Variants in ZNF709 observed in about 807,000 individuals in gnomAD.
The protein encoded by ZNF709 is zinc finger protein 709.
ZNF709 carries 15 observed loss-of-function variants against 10.6 expected under a neutral mutation model. The observed-to-expected ratio is 1.41, with a 90% CI of 0.95 to 2.18. The LOEUF is 2.18. Ranked by LOEUF, ZNF709 falls within the 30% of genes most tolerant of loss-of-function variation. The pLI, the probability that ZNF709 is intolerant of heterozygous loss-of-function variation, is 0.00. For synonymous variants in ZNF709, 194 were observed against 238.8 expected, an observed-to-expected ratio of 0.81 and a Z score of 1.73; for missense variants, 589 against 774.0, an observed-to-expected ratio of 0.76 and a Z score of 2.84.
chr19:12,472,992 C>G (rs554667339), intron 1 of ZNF709, among the ~76,000 whole-genome samples: 65 of 152,316 alleles, frequency 4.3e-4, no homozygotes, highest in Middle Eastern at 6.8e-3. Flanking sequence ...AGTCAATTAG[C>G]TACTCCCAAG....
intron 1 of ZNF709, among the ~76,000 whole-genome samples, chr19:12,471,374 A>G (rs1165529617): frequency 6.6e-6 from 1 of 152,226 alleles, no homozygotes; most frequent in African/African-American, 2.4e-5. Context: ...CTCCCAAATG[A>G]TATCTTTATA....
chr19:12,472,694 C>G (rs1351716582), intron 1 of ZNF709, among the ~76,000 whole-genome samples: 1 of 152,030 alleles, frequency 6.6e-6, no homozygotes, highest in African/African-American at 2.4e-5. Context: ...ACCAGCCTGG[C>G]CAACATGGCG....
intron 1 of ZNF709, among the ~76,000 whole-genome samples, chr19:12,477,984 T>G (rs1970690662): frequency 6.6e-6 from 1 of 152,190 alleles, no homozygotes; most frequent in South Asian, 2.1e-4. Flanking sequence ...GGCCTTAAGC[T>G]GGCTTTGAAT....
At chr19:12,476,888 T>A (rs1745890230) in intron 1 of ZNF709, among the ~76,000 whole-genome samples, 1 of 152,184 alleles carries the variant, frequency 6.6e-6, no homozygotes, top group Non-Finnish European at 1.5e-5. Flanking sequence ...GTGTCCTGAA[T>A]GAATGCCAAA....
chr19:12,483,307 A>ATTTTTT (rs35777030), intron 1 of ZNF709, among the ~76,000 whole-genome samples: 2 of 95,230 alleles, frequency 2.1e-5, no homozygotes, highest in African/African-American at 3.8e-5. Flanking sequence ...CGCCCAGCTA[A>ATTTTTT]TTTTTTTTTT....
At position 12,484,724 on chromosome 19, in the gene ZNF709, C is replaced by T; in HGVS notation, c.-67G>A. ...CCGCGGCCAGCACAGGTCCTACCTC[C>T]ACCTGAGGCCCTTCCTCCACCTGAG... On this transcript the variant is annotated 5_prime_UTR_variant, in exon 1 of 4. Coordinates refer to ENST00000397732, the MANE Select transcript of ZNF709 (RefSeq NM_152601.4). The T allele has an allele frequency of 6.2e-7, 1 of 1,610,344 alleles. No individual in the cohort carries two copies. Among genetic ancestry groups the T allele is most frequent in the Non-Finnish European group, 8.5e-7 (1 of 1,176,838 alleles).
At chr19:12,467,165 C>A (rs981114117) in intron 1 of ZNF709, among the ~76,000 whole-genome samples, 1 of 152,256 alleles carries the variant, frequency 6.6e-6, no homozygotes, top group Admixed American at 6.5e-5. Flanking sequence ...CCCTCTCTTT[C>A]CACGGTCTCC....
chr19:12,483,091 G>C (rs1332563831), intron 1 of ZNF709, among the ~76,000 whole-genome samples: 1 of 152,060 alleles, frequency 6.6e-6, no homozygotes, highest in African/African-American at 2.4e-5. Context: ...AAGAAAAAAA[G>C]AGAAACAAAA....
chr19:12,484,705 C>G lies in ZNF709; in HGVS notation c.-48G>C. The G allele has an allele frequency of 1.9e-6, 3 of 1,613,894 alleles. No individual in the cohort carries two copies. The highest frequency in any genetic ancestry group is 2.5e-6 in the Non-Finnish European group (3 of 1,179,834). ...GGTGTTCTGTTTACCTCTCCCGCGG[C>G]CAGCACAGGTCCTACCTCCACCTGA... On this transcript the variant is annotated 5_prime_UTR_variant, in exon 1 of 4. Transcript: ENST00000397732.
Position 12,477,467 on chromosome 19 carries a change from A to G in ZNF709, c.3+7188T>C, listed in dbSNP as rs150104194. Among the ~76,000 whole-genome samples the G allele has an allele frequency of 4.3e-4, 65 of 152,316 alleles. No individual in the cohort carries two copies. In the East Asian group the frequency reaches 0.011, roughly 26 times the overall value. ...GGCGTATTTTAGGACACTGGGTGCC[A>G]TGAACATGGGGAATTTAGGCACAGT... On this transcript the variant is annotated intron_variant, in intron 1 of 3. Transcript: ENST00000397732.
At chr19:12,476,134 G>A (rs1173463411) in intron 1 of ZNF709, among the ~76,000 whole-genome samples, 2 of 152,226 alleles carry the variant, frequency 1.3e-5, no homozygotes, top group Non-Finnish European at 2.9e-5. Context: ...GCTCATGCCT[G>A]TAATCCCAGC....
chr19:12,467,963 C>G (rs868252671), intron 1 of ZNF709, among the ~76,000 whole-genome samples: 1 of 150,942 alleles, frequency 6.6e-6, no homozygotes, highest in Non-Finnish European at 1.5e-5. Context: ...CCAGCCGCCC[C>G]GTCCGGGAGG....
intron 1 of ZNF709, among the ~76,000 whole-genome samples, chr19:12,478,365 A>G (rs546765592): frequency 6.6e-6 from 1 of 152,228 alleles, no homozygotes; most frequent in Non-Finnish European, 1.5e-5. Flanking sequence ...AAAACGGCCA[A>G]CTCCAGTTGG....
intron 1 of ZNF709, 43 bp from the exon 2 acceptor site, chr19:12,466,893 C>T: frequency 1.3e-6 from 2 of 1,595,392 alleles, no homozygotes; most frequent in Non-Finnish European, 1.7e-6. Context: ...GTGAGACTGA[C>T]AGCACTGGGG....
chr19:12,468,756 T>A (rs1568246887), intron 1 of ZNF709, among the ~76,000 whole-genome samples: 1 of 151,682 alleles, frequency 6.6e-6, no homozygotes, highest in African/African-American at 2.4e-5. Flanking sequence ...GACCAACAAT[T>A]CCTTGTAAGA....
chr19:12,467,261 C>T (rs1970580573), intron 1 of ZNF709, among the ~76,000 whole-genome samples: 1 of 152,226 alleles, frequency 6.6e-6, no homozygotes, highest in Non-Finnish European at 1.5e-5. Context: ...CCTCAGCCTG[C>T]CGAGTGCCTG....
intron 3 of ZNF709, 64 bp downstream of exon 3, chr19:12,466,398 T>G (rs1445467264): frequency 2.8e-6 from 4 of 1,453,810 alleles, no homozygotes; most frequent in African/African-American, 1.4e-5. Context: ...ATTCATTTTT[T>G]AAACCTAATG....
In ZNF709 at chr19:12,466,741, AC is replaced by A; in HGVS notation, c.112del (p.Val38LeufsTer6). ...LYRDVMQETF[V>X]NLASIGENWE... ...ATTCTTACCTATAGAGGCCAAGTTA[AC>A]AAAGGTTTCTTGCATCACATCTCTG... On this transcript the variant is annotated frameshift_variant, in exon 2 of 4. Coordinates refer to ENST00000397732, the MANE Select transcript of ZNF709 (RefSeq NM_152601.4). LOFTEE classifies it high-confidence loss of function. 4.3e-6 allele frequency: 7 copies of A among 1,614,064 alleles called. No homozygotes were observed. The highest frequency in any genetic ancestry group is 5.1e-6 in the Non-Finnish European group (6 of 1,179,976).
intron 1 of ZNF709, among the ~76,000 whole-genome samples, chr19:12,472,838 G>A (rs536036049): frequency 3.3e-5 from 5 of 151,888 alleles, no homozygotes; most frequent in Admixed American, 6.6e-5. Flanking sequence ...AGCCACGATC[G>A]CGCCACTGCA....
Sources: allele counts gnomAD v4.1 joint callset (sites outside exome capture counted in the v4.1 genomes callset), GRCh38; gene constraint gnomAD v4.1.1; transcripts MANE v1.5; gene names NCBI Gene and HGNC (gene_info 2026-07-23, HGNC 2026-07-21).